Variants in GRIK4 observed in about 807,000 individuals in gnomAD.
The protein encoded by GRIK4 is glutamate ionotropic receptor kainate type subunit 4, also known as glutamate receptor ionotropic, kainate 4.
GRIK4 carries 40 observed loss-of-function variants against 104.9 expected under a neutral mutation model. The ratio of observed to expected loss-of-function variants is 0.38; its 90% confidence interval spans 0.30 to 0.50. The LOEUF is 0.50. Among genes scored for constraint, GRIK4 ranks in the 20% least tolerant of loss-of-function variants. The pLI is 0.93. For synonymous variants in GRIK4, 485 were observed against 524.9 expected (o/e 0.92, Z 1.04); for missense variants, 1,047 against 1,308.1 (o/e 0.80, Z 3.08).
intron 3 of GRIK4, among the ~76,000 whole-genome samples, chr11:120,714,139 T>G (rs1257834025): frequency 6.6e-6 from 1 of 152,242 alleles, no homozygotes; most frequent in African/African-American, 2.4e-5. Flanking sequence ...GACTTAGCTG[T>G]GTTGAGACAC....
chr11:120,866,787 C>A (rs1379162422), intron 9 of GRIK4, among the ~76,000 whole-genome samples: 2 of 152,188 alleles, frequency 1.3e-5, no homozygotes, highest in African/African-American at 4.8e-5. Context: ...CTCAGCCAAG[C>A]CCCTTTGGTT....
In GRIK4 at chr11:120,985,995, C is replaced by T. The variant is rs1373228865; in HGVS notation, c.2606C>T (p.Pro869Leu). 5.9e-6 allele frequency: 9 copies of T among 1,531,070 alleles called. No homozygotes were observed. Among genetic ancestry groups the T allele is most frequent in the Admixed American group, 4.1e-5 (2 of 48,448 alleles). The allele number at this position is 1,531,070 out of a possible 1,614,324, so 94.8% of individuals were successfully genotyped here. ...CCCCGCCGGCGGCGCGCCGCAGTCC[C>T]GCCGCCCCGGCCCCCCATCCCCGAG... ...IHPRRRRAAV[P>L]PPRPPIPEER... Residue 869 changes from proline to leucine, a missense_variant, in exon 21 of 21, where the codon CCG becomes CTG. Coordinates refer to ENST00000527524, the MANE Select transcript of GRIK4 (RefSeq NM_014619.5).
chr11:120,713,962 G>T (rs1950783561), intron 3 of GRIK4, among the ~76,000 whole-genome samples: 1 of 152,146 alleles, frequency 6.6e-6, no homozygotes, highest in South Asian at 2.1e-4. Context: ...CTTGTGCTCT[G>T]CTCTTCCTAC....
intron 11 of GRIK4, among the ~76,000 whole-genome samples, chr11:120,880,268 G>A (rs1565412954): frequency 1.3e-5 from 2 of 152,202 alleles, no homozygotes; most frequent in Admixed American, 6.5e-5. Context: ...ATAGAAAGCC[G>A]GCTCTACTGA....
intron 1 of GRIK4, among the ~76,000 whole-genome samples, chr11:120,605,529 G>A (rs995583609): frequency 1.3e-5 from 2 of 152,232 alleles, no homozygotes; most frequent in Non-Finnish European, 2.9e-5. Flanking sequence ...TCTGAGTGGG[G>A]TGGGTCCTCT....
intron 3 of GRIK4, among the ~76,000 whole-genome samples, chr11:120,795,528 C>G (rs1187001236): frequency 6.6e-6 from 1 of 152,230 alleles, no homozygotes; most frequent in Non-Finnish European, 1.5e-5. Context: ...TATTGATTCA[C>G]TCAACAACCA....
chr11:120,928,960 CGTGTGTGTGTGTGT>C (rs61452053), intron 13 of GRIK4, among the ~76,000 whole-genome samples: 10 of 150,464 alleles, frequency 6.6e-5, no homozygotes, highest in African/African-American at 1.7e-4. Flanking sequence ...TTAGCAAAGA[CGTGTGTGTGTGTGT>C]GTGTGTGTGT....
intron 3 of GRIK4, among the ~76,000 whole-genome samples, chr11:120,689,553 CA>C (rs1950325540): frequency 1.3e-5 from 2 of 151,994 alleles, no homozygotes; most frequent in Admixed American, 1.3e-4. Flanking sequence ...TTCCTGTAGA[CA>C]ACCAGCACTT....
intron 1 of GRIK4, among the ~76,000 whole-genome samples, chr11:120,634,350 G>A (rs1026021818): frequency 5.9e-5 from 9 of 152,080 alleles, no homozygotes; most frequent in Non-Finnish European, 8.8e-5. Flanking sequence ...CAAACAGGAG[G>A]CGGAGCTGGC....
rs770327575 is a variant in GRIK4, at chr11:120,660,338, C to T, written c.20C>T (p.Pro7Leu). 69 of 1,613,332 alleles carry T rather than the reference C, an allele frequency of 4.3e-5. No homozygotes were observed. The highest frequency in any genetic ancestry group is 5.3e-5 in the Non-Finnish European group (63 of 1,179,918). The change falls in exon 3 of 21, where the codon CCT becomes CTT. Residue 7 changes from proline to leucine, a missense_variant. Pro to Leu is a moderately conservative substitution (Grantham distance 98, BLOSUM62 -3). This residue lies in a region of GRIK4 where 447 missense variants were observed against 514.9 expected (regional missense o/e 0.87). Transcript: ENST00000527524. MPRVSA[P>L]LVLLPAWLVM... The stretch of plus-strand genomic sequence containing the variant: ...TAGAAGATGCCCCGCGTCTCGGCGC[C>T]TTTGGTGCTGCTTCCTGCGTGGCTC...
At chr11:120,646,592 G>A (rs1292299642) in intron 1 of GRIK4, among the ~76,000 whole-genome samples, 1 of 152,156 alleles carries the variant, frequency 6.6e-6, no homozygotes, top group East Asian at 1.9e-4. Context: ...ATCCTCTGTA[G>A]GTTCACTTTT....
chr11:120,588,502 CA>C (rs1429629520), intron 1 of GRIK4, among the ~76,000 whole-genome samples: 4 of 152,058 alleles, frequency 2.6e-5, no homozygotes, highest in African/African-American at 9.7e-5. Flanking sequence ...AGGTTTTCAG[CA>C]GGGACTTACT....
intron 2 of GRIK4, among the ~76,000 whole-genome samples, chr11:120,654,445 C>T (rs1182213652): frequency 6.6e-6 from 1 of 152,138 alleles, no homozygotes; most frequent in African/African-American, 2.4e-5. Flanking sequence ...CCCACTGCGA[C>T]CTCTGTCTGC....
chr11:120,590,281 G>A (rs1035386447), intron 1 of GRIK4, among the ~76,000 whole-genome samples: 13 of 152,124 alleles, frequency 8.5e-5, no homozygotes, highest in African/African-American at 3.1e-4. Flanking sequence ...GGCCCCAGGA[G>A]GCCTCCACCT....
chr11:120,983,392 T>C (rs1235320427), intron 20 of GRIK4, among the ~76,000 whole-genome samples: 2 of 152,182 alleles, frequency 1.3e-5, no homozygotes, highest in Non-Finnish European at 2.9e-5. Context: ...GGCTCCTCCC[T>C]ACCCCTGCAC....
Position 120,625,561 on chromosome 11 carries a change from C to T in GRIK4, c.-158-28124C>T, listed in dbSNP as rs766912937. 8.7e-4 allele frequency among the ~76,000 whole-genome samples: 132 copies of T among 151,874 alleles called. 4 individuals carry two copies. The highest frequency in any genetic ancestry group is 9.8e-4 in the Admixed American group (15 of 15,230). On this transcript the variant is annotated intron_variant, in intron 1 of 20. Coordinates refer to ENST00000527524, the MANE Select transcript of GRIK4 (RefSeq NM_014619.5). ...TGAGATGCTGATTAGTCAGCTCTTC[C>T]GTGGCTCTTTCTCTGGATCTTTCTG...
chr11:120,791,798 A>G lies in GRIK4; in HGVS notation c.83-10895A>G, dbSNP rs1417635283. 2.6e-5 allele frequency among the ~76,000 whole-genome samples: 4 copies of G among 152,138 alleles called. No homozygotes were observed. The East Asian group carries it at 5.8e-4, about 22-fold the overall frequency. On this transcript the variant is annotated intron_variant, in intron 3 of 20. Coordinates refer to ENST00000527524, the MANE Select transcript of GRIK4 (RefSeq NM_014619.5). The stretch of plus-strand genomic sequence containing the variant: ...GTAAGGATTGGGATTTCTTTAACAT[A>G]TGGATATCCAAATGTTCCAGCACAG...
Position 120,986,099 on chromosome 11 carries a change from A to C in GRIK4, c.2710A>C (p.Arg904=). 1 of 1,511,952 alleles carries C rather than the reference A, an allele frequency of 6.6e-7. No homozygotes were observed. The allele number at this position is 1,511,952 out of a possible 1,614,324, so 93.7% of individuals were successfully genotyped here. ...GAGEPDQLAQ[R]LAQEAALVAR... is the part of the protein sequence containing the mutation. ...AGGGGAGCCCGACCAGCTCGCGCAG[A>C]GACTGGCGCAGGAGGCCGCCCTGGT... The change falls in exon 21 of 21, where the codon AGA becomes CGA. Residue 904 remains arginine, a synonymous_variant. Coordinates refer to ENST00000527524, the MANE Select transcript of GRIK4 (RefSeq NM_014619.5).
rs939682485 is a variant in GRIK4 at position 120,513,790 on chromosome 11, G to A, written c.-159+1903G>A. On this transcript the variant is annotated intron_variant, in intron 1 of 20. Transcript: ENST00000527524. The surrounding 1 kb of genome is among the most constrained non-coding windows in gnomAD (Gnocchi z 4.5). Reference sequence around the variant, plus strand: ...CCGGGTGGGGAAGAGGTGGATGCTCGGGAGGGGAGGTTGAGAGGGGATCTT... The same window carrying A: ...CCGGGTGGGGAAGAGGTGGATGCTCAGGAGGGGAGGTTGAGAGGGGATCTT... Among the ~76,000 whole-genome samples, 3 of 152,170 alleles carry A rather than the reference G, an allele frequency of 2.0e-5. No individual in the cohort carries two copies. The highest frequency in any genetic ancestry group is 1.9e-4 in the East Asian group (1 of 5,184).
Sources: gnomAD v4.1 joint callset for allele counts (sites outside exome capture counted in the v4.1 genomes callset) on GRCh38, gnomAD v4.1.1 for gene constraint, gnomAD v4.1.1 regional missense constraint, Gnocchi (gnomAD v3.1) non-coding constraint, MANE v1.5 for transcripts, NCBI Gene and HGNC (gene_info 2026-07-23, HGNC 2026-07-21) for gene names.